UBE3A: variants seen among roughly 807,000 people sequenced by gnomAD.
UBE3A encodes the protein ubiquitin protein ligase E3A.
A neutral mutation model predicts 83.4 loss-of-function variants in UBE3A; 6 were observed. The ratio of observed to expected loss-of-function variants is 0.07; its 90% confidence interval spans 0.04 to 0.14. The LOEUF is 0.14. Among genes scored for constraint, UBE3A ranks in the 10% least tolerant of loss-of-function variants. UBE3A has a pLI of 1.00. For synonymous variants in UBE3A, 337 were observed against 355.4 expected (o/e 0.95, Z 0.58); for missense variants, 456 against 1,036.1 (o/e 0.44, Z 7.69).
At chr15:25,422,775 G>A (rs1344984591) in intron 1 of UBE3A, among the ~76,000 whole-genome samples, 4 of 139,886 alleles carry the variant, frequency 2.9e-5, no homozygotes, top group Non-Finnish European at 6.1e-5. Context: ...AGAAGTTTGA[G>A]ACCAGTCTGG....
At chr15:25,435,244 A>G (rs1469483048) in intron 1 of UBE3A, among the ~76,000 whole-genome samples, 1 of 151,732 alleles carries the variant, frequency 6.6e-6, no homozygotes, top group African/African-American at 2.4e-5. Flanking sequence ...ACACACACAC[A>G]CACACACACA....
chr15:25,382,313 T>A (rs1173371868), intron 4 of UBE3A, among the ~76,000 whole-genome samples: 3 of 150,984 alleles, frequency 2.0e-5, no homozygotes, highest in Non-Finnish European at 4.4e-5. Context: ...AGAGCGAGAC[T>A]CTGTCTCAAA....
At chr15:25,367,251 A>G (rs1391020731) in intron 6 of UBE3A, among the ~76,000 whole-genome samples, 2 of 80,186 alleles carry the variant, frequency 2.5e-5, no homozygotes, top group African/African-American at 1.4e-4. Context: ...AAATATTTGC[A>G]TATTTGTAAA....
chr15:25,409,052 C>A (rs2089370522), intron 3 of UBE3A, 36 bp downstream of exon 3: 1 of 1,567,906 alleles, frequency 6.4e-7, no homozygotes, highest in East Asian at 2.3e-5. Flanking sequence ...TTTACAATGA[C>A]AGCCTTTTAA....
intron 3 of UBE3A, chr15:25,408,792 G>T (rs2089307345): frequency 1.5e-5 from 14 of 951,292 alleles, no homozygotes; most frequent in Non-Finnish European, 1.8e-5. Flanking sequence ...TGCATATTAA[G>T]AAATTTTTAA....
intron 6 of UBE3A, among the ~76,000 whole-genome samples, chr15:25,362,285 T>C (rs1595680312): frequency 6.6e-6 from 1 of 152,334 alleles, no homozygotes; most frequent in East Asian, 1.9e-4. Context: ...TCTGTTGTTG[T>C]TCAACACCGA....
Position 25,355,882 on chromosome 15 carries a change from C to T in UBE3A, c.2124+10G>A, listed in dbSNP as rs1595589409. Reference sequence around the variant, plus strand: ...GAAGAGACAAAATGTGACATAAAAACATTTATTACCTTCCTGTTTTCATTT... The same window carrying T: ...GAAGAGACAAAATGTGACATAAAAATATTTATTACCTTCCTGTTTTCATTT... On this transcript the variant is annotated intron_variant, in intron 9 of 12. Coordinates refer to ENST00000648336, the MANE Select transcript of UBE3A (RefSeq NM_130839.5). The T allele has an allele frequency of 6.2e-7, 1 of 1,608,872 alleles. No individual in the cohort carries two copies.
intron 11 of UBE3A, 112 bp from the exon 12 acceptor site, chr15:25,340,340 T>C: frequency 7.8e-7 from 1 of 1,285,488 alleles, no homozygotes; most frequent in African/African-American, 1.5e-5. Context: ...TGGAAGTTAA[T>C]TATCAGGATA....
chr15:25,347,727 C>T (rs1461760712), intron 11 of UBE3A, among the ~76,000 whole-genome samples: 1 of 151,664 alleles, frequency 6.6e-6, no homozygotes, highest in Non-Finnish European at 1.5e-5. Flanking sequence ...ACAAACAAAA[C>T]AAAACCCAAA....
At chr15:25,350,644 C>T (rs1400152794) in intron 11 of UBE3A, among the ~76,000 whole-genome samples, 1 of 152,092 alleles carries the variant, frequency 6.6e-6, no homozygotes, top group Non-Finnish European at 1.5e-5. Context: ...AATAAGACTA[C>T]ACAGCTTTAT....
rs146435869 is a variant in UBE3A, at chr15:25,426,409, G to A, written c.-165+12080C>T. 6.4e-4 allele frequency among the ~76,000 whole-genome samples: 97 copies of A among 152,160 alleles called. No individual in the cohort carries two copies. The East Asian group carries it at 0.018, about 28-fold the overall frequency. On this transcript the variant is annotated intron_variant, in intron 1 of 12. Transcript: ENST00000648336. ...TAATTAGAGTTCAAACTTCCATAGC[G>A]CCTAGCCTAAAATTAAACCCAGAAT... is the stretch of plus-strand genomic sequence containing the variant.
At chr15:25,357,093 T>C (rs1384717746) in intron 7 of UBE3A, among the ~76,000 whole-genome samples, 197 bp from the exon 8 acceptor site, 3 of 152,142 alleles carry the variant, frequency 2.0e-5, no homozygotes, top group Non-Finnish European at 2.9e-5. Flanking sequence ...TTGGGGTGAA[T>C]GGTGATATGT....
chr15:25,381,173 A>G (rs1222843369), intron 4 of UBE3A, among the ~76,000 whole-genome samples: 1 of 152,232 alleles, frequency 6.6e-6, no homozygotes, highest in East Asian at 1.9e-4. Flanking sequence ...GGTGGCAGGC[A>G]TATGTGTGTC....
chr15:25,430,150 TA>T (rs1267576592), intron 1 of UBE3A, among the ~76,000 whole-genome samples: 10 of 40,146 alleles, frequency 2.5e-4, no homozygotes, highest in East Asian at 1.0e-3. Context: ...ATATATATAA[TA>T]CATATATATA....
At chr15:25,433,311 G>A (rs769697943) in intron 1 of UBE3A, among the ~76,000 whole-genome samples, 3 of 151,814 alleles carry the variant, frequency 2.0e-5, no homozygotes, top group Non-Finnish European at 4.4e-5. Flanking sequence ...AGCCTCCTGA[G>A]TAGTTGGGAC....
chr15:25,370,473 G>T lies in UBE3A; in HGVS notation c.1608+93C>A, dbSNP rs1233940435. ...TGTCCATGTGTTCCTATGCTATATG[G>T]TATCATTTTTTTCAGTCACTTTTAA... On this transcript the variant is annotated intron_variant, in intron 6 of 12. Coordinates refer to ENST00000648336, the MANE Select transcript of UBE3A (RefSeq NM_130839.5). This position sits in a 1 kb window ranked among gnomAD's most constrained non-coding sequence, Gnocchi z 4.2. 1 of 1,420,518 alleles carries T rather than the reference G, an allele frequency of 7.0e-7. No individual in the cohort carries two copies. The highest frequency in any genetic ancestry group is 1.0e-6 in the Non-Finnish European group (1 of 1,004,264). 88.0% of individuals were successfully genotyped at this position (1,420,518 alleles called of 1,614,324 possible).
rs752638415 is a variant in UBE3A at position 25,337,356 on chromosome 15, T to G, written c.*1781A>C. The stretch of plus-strand genomic sequence containing the variant: ...TGAGAAGCCTTTAAGATGACTACAG[T>G]TGCACGAAGGTCCCTTTCATCAAGG... On this transcript the variant is annotated 3_prime_UTR_variant, in exon 13 of 13. Coordinates refer to ENST00000648336, the MANE Select transcript of UBE3A (RefSeq NM_130839.5). 1 of 152,098 alleles carries G rather than the reference T, an allele frequency of 6.6e-6. No individual in the cohort carries two copies. Among genetic ancestry groups the G allele is most frequent in the African/African-American group, 2.4e-5 (1 of 41,424 alleles). 9.4% of individuals were successfully genotyped at this position (152,098 alleles called of 1,614,324 possible).
intron 1 of UBE3A, among the ~76,000 whole-genome samples, chr15:25,416,033 A>C (rs551182231): frequency 6.6e-6 from 1 of 152,164 alleles, no homozygotes; most frequent in Non-Finnish European, 1.5e-5. Flanking sequence ...TGTTTCTAAT[A>C]ATGTTCCTTT....
At chr15:25,356,138 C>G in intron 8 of UBE3A, 82 bp from the exon 9 acceptor site, 1 of 1,513,306 alleles carries the variant, frequency 6.6e-7, no homozygotes, top group Middle Eastern at 1.7e-4. Context: ...TCTTAGAAGA[C>G]AACAAAAATC....
Sources: gnomAD v4.1 joint callset for allele counts (sites outside exome capture counted in the v4.1 genomes callset) on GRCh38, gnomAD v4.1.1 for gene constraint, Gnocchi (gnomAD v3.1) non-coding constraint, MANE v1.5 for transcripts, NCBI Gene and HGNC (gene_info 2026-07-23, HGNC 2026-07-21) for gene names.